The following UTP6 variants were observed in gnomAD, a reference collection of about 807,000 sequenced individuals.
UTP6 encodes UTP6 small subunit processome component.
Under a neutral mutation model 96.5 loss-of-function variants are expected in UTP6, and 60 were observed. That is an observed-to-expected ratio of 0.62 (90% CI 0.51 to 0.77). The LOEUF (loss-of-function observed/expected upper bound fraction) is 0.77. UTP6 is among the 30% of genes least tolerant of loss of function. UTP6 has a pLI of 0.00. For missense variants in UTP6, 637 were observed against 706.5 expected, an observed-to-expected ratio of 0.90 and a Z score of 1.12; for synonymous variants, 215 against 240.1, an observed-to-expected ratio of 0.90 and a Z score of 0.96.
intron 18 of UTP6, among the ~76,000 whole-genome samples, chr17:31,864,217 T>A (rs1324490604): frequency 1.3e-5 from 2 of 152,022 alleles, no homozygotes; most frequent in Non-Finnish European, 2.9e-5. Context: ...AAACTCCATC[T>A]CGACTGAAAA....
chr17:31,901,235 C>G (rs1904963200), intron 1 of UTP6: 1 of 381,094 alleles, frequency 2.6e-6, no homozygotes, highest in African/African-American at 2.0e-5. Context: ...TGTCTGTCTC[C>G]CCCACCACAC....
At chr17:31,891,602 C>T (rs1362137492) in intron 6 of UTP6, among the ~76,000 whole-genome samples, 3 of 152,158 alleles carry the variant, frequency 2.0e-5, no homozygotes, top group African/African-American at 7.2e-5. Flanking sequence ...CTACTCTGTA[C>T]CAGCACTCTT....
intron 10 of UTP6, 125 bp from the exon 11 acceptor site, chr17:31,880,879 A>G: frequency 7.6e-7 from 1 of 1,312,610 alleles, no homozygotes; most frequent in Non-Finnish European, 1.0e-6. Flanking sequence ...AGTACCATAA[A>G]AACTATTTCC....
At chr17:31,865,001 AAG>A (rs1909734509) in intron 18 of UTP6, among the ~76,000 whole-genome samples, 1 of 151,910 alleles carries the variant, frequency 6.6e-6, no homozygotes, top group Non-Finnish European at 1.5e-5. Context: ...TCAAAAAACT[AAG>A]AAACAGTTTT....
At chr17:31,893,810 A>C (rs1156328629) in intron 4 of UTP6, among the ~76,000 whole-genome samples, 1 of 151,816 alleles carries the variant, frequency 6.6e-6, no homozygotes, top group Non-Finnish European at 1.5e-5. Flanking sequence ...TCTTCCTCAC[A>C]AAGGCCTCCG....
chr17:31,896,311 C>G (rs1904636951), intron 2 of UTP6, among the ~76,000 whole-genome samples: 1 of 151,976 alleles, frequency 6.6e-6, no homozygotes, highest in Admixed American at 6.6e-5. Flanking sequence ...CTCCCAACCT[C>G]AAGTAATCCA....
At chr17:31,880,477 C>A in intron 11 of UTP6, 96 bp downstream of exon 11, 2 of 1,460,790 alleles carry the variant, frequency 1.4e-6, no homozygotes, top group Non-Finnish European at 1.9e-6. Flanking sequence ...ACAGAGACAT[C>A]CCCAATATTG....
chr17:31,896,787 C>T (rs1904678700), intron 2 of UTP6, among the ~76,000 whole-genome samples: 1 of 152,066 alleles, frequency 6.6e-6, no homozygotes, highest in African/African-American at 2.4e-5. Flanking sequence ...CAGGTGTGCA[C>T]CACCATGCCC....
intron 7 of UTP6, 43 bp from the exon 8 acceptor site, chr17:31,887,356 T>A (rs1265439408): frequency 1.3e-6 from 2 of 1,582,938 alleles, no homozygotes; most frequent in Admixed American, 3.4e-5. Context: ...AGATGCTTTT[T>A]AAAATTTTTT....
At chr17:31,893,757 A>C (rs1978115) in intron 4 of UTP6, among the ~76,000 whole-genome samples, 17,256 of 145,990 alleles carry the variant, frequency 0.12, 1,324 homozygotes, top group Middle Eastern at 0.18. Flanking sequence ...AAAAAAAAAG[A>C]AGCAGATTTC....
At chr17:31,889,164 G>A in intron 7 of UTP6, 121 bp downstream of exon 7, 1 of 657,788 alleles carries the variant, frequency 1.5e-6, no homozygotes, top group South Asian at 2.4e-5. Flanking sequence ...GCGGGCACCT[G>A]TAATCCCAGC....
chr17:31,901,389 TG>T, intron 1 of UTP6, 146 bp downstream of exon 1: 1 of 706,662 alleles, frequency 1.4e-6, no homozygotes, highest in Non-Finnish European at 2.4e-6. Flanking sequence ...AAATTAATTC[TG>T]GACATCACCG....
intron 13 of UTP6, 50 bp from the exon 14 acceptor site, chr17:31,875,463 A>C: frequency 1.3e-6 from 2 of 1,582,074 alleles, no homozygotes; most frequent in South Asian, 1.1e-5. Flanking sequence ...AACCCAAACA[A>C]TCTATGTAAA....
intron 17 of UTP6, 36 bp downstream of exon 17, chr17:31,868,010 T>G: frequency 6.2e-7 from 1 of 1,601,534 alleles, no homozygotes; most frequent in Non-Finnish European, 8.5e-7. Flanking sequence ...ACTAATCCAT[T>G]TTCCCAGACA....
At chr17:31,892,115 C>T (rs2142319584) in intron 6 of UTP6, 145 bp downstream of exon 6, 5 of 727,150 alleles carry the variant, frequency 6.9e-6, no homozygotes, top group South Asian at 1.7e-5. Flanking sequence ...TATGAGGCAG[C>T]TATTCAGTAA....
intron 2 of UTP6, among the ~76,000 whole-genome samples, chr17:31,896,483 CAT>C (rs1904650364): frequency 2.0e-5 from 3 of 152,186 alleles, no homozygotes. Flanking sequence ...TTCACGTTCA[CAT>C]GATTTGCCCA....
intron 17 of UTP6, among the ~76,000 whole-genome samples, chr17:31,866,317 C>T (rs910799357): frequency 2.6e-5 from 4 of 150,958 alleles, no homozygotes; most frequent in African/African-American, 7.3e-5. Flanking sequence ...GTATTCTTGC[C>T]GGGTGCAGTG....
chr17:31,879,979 G>A (rs1282468347), intron 11 of UTP6, among the ~76,000 whole-genome samples: 1 of 151,886 alleles, frequency 6.6e-6, no homozygotes, highest in East Asian at 1.9e-4. Context: ...CGTGGCACAC[G>A]CCTGTAATCC....
At chr17:31,871,422 C>T (rs939392181) in intron 16 of UTP6, among the ~76,000 whole-genome samples, 1 of 152,094 alleles carries the variant, frequency 6.6e-6, no homozygotes, top group Non-Finnish European at 1.5e-5. Flanking sequence ...CCGTGCCCAG[C>T]TCATATAGCT....
Sources: allele counts gnomAD v4.1 joint callset (sites outside exome capture counted in the v4.1 genomes callset), GRCh38; gene constraint gnomAD v4.1.1; transcripts MANE v1.5; gene names NCBI Gene and HGNC (gene_info 2026-07-23, HGNC 2026-07-21).